The following EXOC6B variants were observed in gnomAD, a reference collection of about 807,000 sequenced individuals.
The protein encoded by EXOC6B is exocyst complex component 6B.
In EXOC6B, 54 loss-of-function variants were observed where a neutral mutation model predicts 113.5. The observed-to-expected ratio is 0.48, with a 90% confidence interval of 0.38 to 0.60. The LOEUF (loss-of-function observed/expected upper bound fraction) is 0.60, where lower values mean the gene tolerates loss of function less well. Ranked by LOEUF, EXOC6B falls within the 20% of genes least tolerant of loss-of-function variation. The pLI, the probability that EXOC6B is intolerant of heterozygous loss-of-function variation, is 0.00. For missense variants in EXOC6B, 797 were observed against 977.5 expected (o/e 0.82, Z 2.46); for synonymous variants, 357 against 339.0 (o/e 1.05, Z -0.58).
intron 8 of EXOC6B, among the ~76,000 whole-genome samples, chr2:72,532,722 T>C (rs1053457207): frequency 2.0e-5 from 3 of 151,864 alleles, no homozygotes; most frequent in African/African-American, 7.3e-5. Context: ...GCAGGAGAAT[T>C]GCTTGGACCC....
At position 72,575,474 on chromosome 2, in the gene EXOC6B, A is replaced by T. The variant is rs749193726; in HGVS notation, c.846+18T>A. The T allele has an allele frequency of 2.5e-6, 4 of 1,593,224 alleles. No homozygotes were observed. Among genetic ancestry groups the T allele is most frequent in the African/African-American group, 2.7e-5 (2 of 73,436 alleles). ...AGCTTAAAAATAGTCTCACTTCCCA[A>T]CATCAAATGTTACTTACCTCTTCAT... On this transcript the variant is annotated intron_variant, in intron 7 of 21. Coordinates refer to ENST00000272427, the MANE Select transcript of EXOC6B (RefSeq NM_015189.3).
chr2:72,709,593 C>T (rs979540242), intron 6 of EXOC6B, among the ~76,000 whole-genome samples: 7 of 152,112 alleles, frequency 4.6e-5, no homozygotes, highest in African/African-American at 1.7e-4. Context: ...AGCTTAACCA[C>T]GTAACTGAGA....
chr2:72,773,372 C>T (rs1683514071), intron 1 of EXOC6B, among the ~76,000 whole-genome samples: 1 of 150,460 alleles, frequency 6.6e-6, no homozygotes, highest in African/African-American at 2.4e-5. Context: ...TCAAGCAATC[C>T]ACCTGCCTCA....
At chr2:72,671,052 T>C (rs1174771275) in intron 6 of EXOC6B, among the ~76,000 whole-genome samples, 1 of 152,034 alleles carries the variant, frequency 6.6e-6, no homozygotes, top group Non-Finnish European at 1.5e-5. Context: ...CTTGGAACTG[T>C]GAAACTACCA....
intron 20 of EXOC6B, among the ~76,000 whole-genome samples, chr2:72,304,968 TATC>T: frequency 6.6e-6 from 1 of 152,196 alleles, no homozygotes; most frequent in East Asian, 1.9e-4. Context: ...GGAGCAGACA[TATC>T]ATACATCTAA....
intron 18 of EXOC6B, among the ~76,000 whole-genome samples, chr2:72,449,329 C>G (rs1696774572): frequency 6.6e-6 from 1 of 151,942 alleles, no homozygotes; most frequent in Non-Finnish European, 1.5e-5. Context: ...ACTACAGACG[C>G]CCAGCTAATT....
chr2:72,602,308 A>G (rs1183764348), intron 6 of EXOC6B, among the ~76,000 whole-genome samples: 3 of 152,212 alleles, frequency 2.0e-5, no homozygotes, highest in Non-Finnish European at 4.4e-5. Flanking sequence ...GTTTCCATGA[A>G]TGAATATAAT....
chr2:72,551,888 C>T (rs1269920650), intron 8 of EXOC6B, among the ~76,000 whole-genome samples: 1 of 152,222 alleles, frequency 6.6e-6, no homozygotes, highest in East Asian at 1.9e-4. Flanking sequence ...TGTAACTTCT[C>T]TCCTGGTGTA....
In EXOC6B at chr2:72,339,222, T is replaced by C. The variant is rs191856802; in HGVS notation, c.2123-4202A>G. Among the ~76,000 whole-genome samples the C allele has an allele frequency of 1.2e-4, 19 of 152,168 alleles. No individual in the cohort carries two copies. In the East Asian group the frequency reaches 3.1e-3, roughly 25 times the overall value. ...TATGTACACACAAGAAGCCTCTCTT[T>C]AGAGCTGTTAATTAAAATTGTCCTT... On this transcript the variant is annotated intron_variant, in intron 19 of 21. Transcript: ENST00000272427.
chr2:72,507,790 G>T (rs541165810), intron 11 of EXOC6B, among the ~76,000 whole-genome samples: 113 of 152,026 alleles, frequency 7.4e-4, no homozygotes, highest in African/African-American at 2.6e-3. Flanking sequence ...GTTCTCCACA[G>T]ATCTACACTT....
intron 1 of EXOC6B, among the ~76,000 whole-genome samples, chr2:72,824,140 C>G (rs1260572224): frequency 6.6e-6 from 1 of 152,012 alleles, no homozygotes; most frequent in Non-Finnish European, 1.5e-5. Context: ...AATCCCAACA[C>G]TTTGGGAGGC....
At chr2:72,798,509 C>T (rs1685101561) in intron 1 of EXOC6B, among the ~76,000 whole-genome samples, 1 of 152,030 alleles carries the variant, frequency 6.6e-6, no homozygotes, top group Non-Finnish European at 1.5e-5. Flanking sequence ...CTAAGTAGCA[C>T]ATATTTGTGA....
chr2:72,521,429 C>T (rs1030325283), intron 8 of EXOC6B, among the ~76,000 whole-genome samples: 3 of 152,044 alleles, frequency 2.0e-5, no homozygotes, highest in African/African-American at 7.2e-5. Flanking sequence ...ATTCAGGATC[C>T]TATTTTCAAG....
chr2:72,474,351 A>G (rs773576614), intron 17 of EXOC6B, among the ~76,000 whole-genome samples: 6 of 152,090 alleles, frequency 3.9e-5, no homozygotes, highest in Non-Finnish European at 7.4e-5. Context: ...TGCATTAAGT[A>G]AGTTTTCCAA....
At position 72,295,100 on chromosome 2, in the gene EXOC6B, G is replaced by A. The variant is rs141370337; in HGVS notation, c.2196+39847C>T. The stretch of plus-strand genomic sequence containing the variant: ...ATAAAAATTAGCCGGGCATAGTGGC[G>A]TGCACCTGTATTCCCAGCTACTCGG... On this transcript the variant is annotated intron_variant, in intron 20 of 21. Transcript: ENST00000272427. Among the ~76,000 whole-genome samples, 1,089 of 151,570 alleles carry A rather than the reference G, an allele frequency of 7.2e-3. 16 individuals are homozygous for A. Among genetic ancestry groups the A allele is most frequent in the African/African-American group, 0.023 (962 of 41,340 alleles).
chr2:72,697,352 A>G (rs901775123), intron 6 of EXOC6B, among the ~76,000 whole-genome samples: 13 of 152,056 alleles, frequency 8.5e-5, no homozygotes, highest in Non-Finnish European at 1.6e-4. Context: ...ATTCCTAGTA[A>G]GCTGCCATGC....
chr2:72,661,566 C>A (rs1377897279), intron 6 of EXOC6B, among the ~76,000 whole-genome samples: 2 of 151,902 alleles, frequency 1.3e-5, no homozygotes, highest in Non-Finnish European at 2.9e-5. Flanking sequence ...ACAAAACATA[C>A]ACATGATTTA....
chr2:72,356,837 C>G lies in EXOC6B; in HGVS notation c.2123-21817G>C, dbSNP rs1011997880. Among the ~76,000 whole-genome samples the G allele has an allele frequency of 2.0e-5, 3 of 152,104 alleles. No individual in the cohort carries two copies. The East Asian group carries it at 5.8e-4, about 29-fold the overall frequency. On this transcript the variant is annotated intron_variant, in intron 19 of 21. Transcript: ENST00000272427. Reference sequence around the variant, plus strand: ...ACTGACTGAAAATATTATATCGCTGCCCTTGCATTGTGGGGCCATTATTGG... The same window carrying G: ...ACTGACTGAAAATATTATATCGCTGGCCTTGCATTGTGGGGCCATTATTGG...
intron 18 of EXOC6B, among the ~76,000 whole-genome samples, chr2:72,458,924 C>T (rs56777837): frequency 0.24 from 36,925 of 151,988 alleles, 7,722 homozygotes; most frequent in African/African-American, 0.57. Flanking sequence ...TTAAACACAA[C>T]AATTCTTGAG....
Sources: allele counts gnomAD v4.1 joint callset (sites outside exome capture counted in the v4.1 genomes callset), GRCh38; gene constraint gnomAD v4.1.1; transcripts MANE v1.5; gene names NCBI Gene and HGNC (gene_info 2026-07-23, HGNC 2026-07-21).